The following PTPRD variants were observed in gnomAD, a reference collection of about 807,000 sequenced individuals.
PTPRD encodes receptor-type tyrosine-protein phosphatase delta.
A neutral mutation model predicts 214.5 loss-of-function variants in PTPRD; 34 were observed. The ratio of observed to expected loss-of-function variants is 0.16; its 90% CI spans 0.12 to 0.21. The LOEUF (loss-of-function observed/expected upper bound fraction) is 0.21, where lower values mean the gene tolerates loss of function less well. PTPRD is among the 10% of genes least tolerant of loss of function. The pLI is 1.00. For missense variants in PTPRD, 2,545 were observed against 2,398.7 expected (o/e 1.06, Z -1.27); for synonymous variants, 1,128 against 845.7 (o/e 1.33, Z -5.79).
chr9:9,352,763 C>T (rs2051936987), intron 9 of PTPRD, among the ~76,000 whole-genome samples: 1 of 151,920 alleles, frequency 6.6e-6, no homozygotes, highest in East Asian at 1.9e-4. Flanking sequence ...CTTGACTTCT[C>T]TCAGAGTTGT....
chr9:9,157,983 T>C (rs1355753811), intron 10 of PTPRD, among the ~76,000 whole-genome samples: 1 of 152,164 alleles, frequency 6.6e-6, no homozygotes, highest in African/African-American at 2.4e-5. Context: ...CGGTTTTCTG[T>C]TCCTGCGTGT....
intron 2 of PTPRD, among the ~76,000 whole-genome samples, chr9:10,439,774 G>T (rs1353973079): frequency 6.6e-6 from 1 of 151,696 alleles, no homozygotes; most frequent in East Asian, 1.9e-4. Context: ...TGTGATGGTG[G>T]TGGGAGGAGC....
intron 7 of PTPRD, among the ~76,000 whole-genome samples, chr9:9,646,356 T>A (rs572938082): frequency 1.3e-5 from 2 of 151,200 alleles, no homozygotes; most frequent in East Asian, 3.9e-4. Context: ...TGTGTGTGTG[T>A]GTGTGTATTT....
intron 10 of PTPRD, among the ~76,000 whole-genome samples, chr9:9,164,034 T>C (rs755090309): frequency 6.6e-6 from 1 of 152,178 alleles, no homozygotes; most frequent in Non-Finnish European, 1.5e-5. Flanking sequence ...ACTTCCCTTA[T>C]CATAACACCT....
intron 7 of PTPRD, among the ~76,000 whole-genome samples, chr9:9,628,804 T>C (rs1292169526): frequency 1.3e-5 from 2 of 151,982 alleles, no homozygotes; most frequent in Non-Finnish European, 2.9e-5. Context: ...AGGAATAAAA[T>C]CATTATATAT....
intron 14 of PTPRD, among the ~76,000 whole-genome samples, chr9:8,575,788 G>T (rs560593657): frequency 6.6e-6 from 1 of 152,176 alleles, no homozygotes; most frequent in Non-Finnish European, 1.5e-5. Flanking sequence ...AACAAATGTA[G>T]TGACTCTAAG....
At chr9:9,972,626 G>C (rs2095170843) in intron 4 of PTPRD, among the ~76,000 whole-genome samples, 1 of 152,008 alleles carries the variant, frequency 6.6e-6, no homozygotes, top group Admixed American at 6.6e-5. Context: ...GTACAGTTTT[G>C]GAGGTTGGAA....
rs562748602 is a variant in PTPRD at position 9,738,641 on chromosome 9, C to T, written c.-325-4070G>A. 4.6e-5 allele frequency among the ~76,000 whole-genome samples: 7 copies of T among 151,884 alleles called. No homozygotes were observed. In the East Asian group the frequency reaches 1.2e-3, roughly 25 times the overall value. ...ATTTTTAGTAGAGATGGGGTTTCAC[C>T]ATGTTGGCCAGGCTGGTCTCGAACT... On this transcript the variant is annotated intron_variant, in intron 6 of 45. Coordinates refer to ENST00000381196, the MANE Select transcript of PTPRD (RefSeq NM_002839.4).
intron 5 of PTPRD, among the ~76,000 whole-genome samples, chr9:9,787,118 C>A (rs937213792): frequency 2.0e-5 from 3 of 150,072 alleles, no homozygotes; most frequent in Middle Eastern, 3.4e-3. Context: ...GCCTGGGCGA[C>A]AGAGTGAAAT....
At chr9:8,952,693 T>C (rs968689992) in intron 11 of PTPRD, among the ~76,000 whole-genome samples, 1 of 151,796 alleles carries the variant, frequency 6.6e-6, no homozygotes, top group African/African-American at 2.4e-5. Context: ...GAAGAAAAAA[T>C]ATTATTTATT....
chr9:8,383,306 T>A (rs550943022), intron 37 of PTPRD, among the ~76,000 whole-genome samples: 1 of 152,090 alleles, frequency 6.6e-6, no homozygotes, highest in African/African-American at 2.4e-5. Context: ...GGGGAAGACA[T>A]AGGAGGAGGA....
intron 5 of PTPRD, among the ~76,000 whole-genome samples, chr9:9,880,624 G>A (rs2068364891): frequency 6.6e-6 from 1 of 151,830 alleles, no homozygotes; most frequent in African/African-American, 2.4e-5. Context: ...TGTTTCTTTG[G>A]GACTCTGTGT....
At chr9:10,562,329 C>CT (rs199672347) in intron 2 of PTPRD, among the ~76,000 whole-genome samples, 28,645 of 144,848 alleles carry the variant, frequency 0.2, 3,526 homozygotes, top group East Asian at 0.5. Flanking sequence ...TGTTCGTTAA[C>CT]TTTTTTTTTT....
At chr9:8,423,477 T>C (rs1250082618) in intron 35 of PTPRD, among the ~76,000 whole-genome samples, 1 of 152,168 alleles carries the variant, frequency 6.6e-6, no homozygotes, top group Non-Finnish European at 1.5e-5. Flanking sequence ...TGCAGAAACA[T>C]GAAAGGATTT....
At chr9:9,847,335 C>T (rs1383383521) in intron 5 of PTPRD, among the ~76,000 whole-genome samples, 2 of 152,002 alleles carry the variant, frequency 1.3e-5, no homozygotes, top group African/African-American at 2.4e-5. Context: ...AAAATAAATA[C>T]AATGTATTTT....
intron 4 of PTPRD, among the ~76,000 whole-genome samples, chr9:9,987,707 T>C (rs1290406547): frequency 6.6e-6 from 1 of 152,220 alleles, no homozygotes; most frequent in Non-Finnish European, 1.5e-5. Flanking sequence ...CAACTTTGGT[T>C]TACCTTAAAG....
At chr9:9,398,290 G>A (rs919696917) in intron 8 of PTPRD, among the ~76,000 whole-genome samples, 1 of 151,876 alleles carries the variant, frequency 6.6e-6, no homozygotes, top group African/African-American at 2.4e-5. Context: ...TATTTTATAT[G>A]TTTATTACAG....
At chr9:8,506,991 T>C (rs1227215567) in intron 22 of PTPRD, among the ~76,000 whole-genome samples, 1 of 152,214 alleles carries the variant, frequency 6.6e-6, no homozygotes, top group African/African-American at 2.4e-5. Flanking sequence ...TCATTGAGTA[T>C]TTATTCTTCC....
At chr9:9,113,741 A>G (rs2099809396) in intron 10 of PTPRD, among the ~76,000 whole-genome samples, 1 of 152,198 alleles carries the variant, frequency 6.6e-6, no homozygotes, top group African/African-American at 2.4e-5. Context: ...CCAGGGTCTC[A>G]GCAAGGCATA....
Sources: gnomAD v4.1 joint callset for allele counts (sites outside exome capture counted in the v4.1 genomes callset) on GRCh38, gnomAD v4.1.1 for gene constraint, MANE v1.5 for transcripts, NCBI Gene and HGNC (gene_info 2026-07-23, HGNC 2026-07-21) for gene names.